The following RAP1A variants were observed in gnomAD, a reference collection of about 807,000 sequenced individuals.
RAP1A encodes ras-related protein Rap-1A.
Under a neutral mutation model 26.4 loss-of-function variants are expected in RAP1A, and 6 were observed. That is an observed-to-expected ratio of 0.23 (90% CI 0.12 to 0.45). The LOEUF (loss-of-function observed/expected upper bound fraction) is 0.45, where lower values mean the gene tolerates loss of function less well. Among genes scored for constraint, RAP1A ranks in the 20% least tolerant of loss-of-function variants. The pLI is 0.99. For synonymous variants in RAP1A, 73 were observed against 79.4 expected, an observed-to-expected ratio of 0.92 and a Z score of 0.43; for missense variants, 121 against 217.2, an observed-to-expected ratio of 0.56 and a Z score of 2.78.
intron 1 of RAP1A, among the ~76,000 whole-genome samples, chr1:111,573,290 T>C (rs976795376): frequency 4.6e-5 from 7 of 152,240 alleles, no homozygotes; most frequent in African/African-American, 1.7e-4. Context: ...GTAGCTGTTT[T>C]TGGCTCTTTG....
intron 1 of RAP1A, chr1:111,649,550 T>TA: frequency 4.0e-6 from 1 of 252,064 alleles, no homozygotes; most frequent in Non-Finnish European, 8.1e-6. Context: ...AAGCTCATGC[T>TA]CTCTGGGGAG....
intron 1 of RAP1A, among the ~76,000 whole-genome samples, chr1:111,564,733 C>T (rs569608456): frequency 1.5e-4 from 23 of 151,524 alleles, no homozygotes; most frequent in South Asian, 1.5e-3. Flanking sequence ...AGGATGGTCT[C>T]GATCTCCTGA....
At chr1:111,635,441 A>G (rs1232033743) in intron 1 of RAP1A, among the ~76,000 whole-genome samples, 1 of 152,222 alleles carries the variant, frequency 6.6e-6, no homozygotes, top group African/African-American at 2.4e-5. Context: ...CTGTCAGTGG[A>G]GAAAGAACAA....
chr1:111,684,402 C>G (rs903821288), intron 1 of RAP1A, among the ~76,000 whole-genome samples: 1 of 152,234 alleles, frequency 6.6e-6, no homozygotes, highest in South Asian at 2.1e-4. Flanking sequence ...ACCCCATCGT[C>G]TCAGCCCAAA....
intron 1 of RAP1A, among the ~76,000 whole-genome samples, chr1:111,660,026 A>G (rs936933320): frequency 4.6e-5 from 7 of 152,240 alleles, no homozygotes; most frequent in African/African-American, 1.7e-4. Context: ...AAGACAAGTA[A>G]AAGTAAAGTT....
At chr1:111,677,665 G>A (rs1433880699) in intron 1 of RAP1A, among the ~76,000 whole-genome samples, 2 of 152,180 alleles carry the variant, frequency 1.3e-5, no homozygotes, top group African/African-American at 2.4e-5. Context: ...TGAAGGGCTG[G>A]TGTTCACCTG....
intron 1 of RAP1A, among the ~76,000 whole-genome samples, chr1:111,549,929 A>G (rs1263263693): frequency 4.6e-5 from 7 of 152,212 alleles, no homozygotes; most frequent in Non-Finnish European, 1.5e-5. Flanking sequence ...CTGGAATTAC[A>G]GGCATGAGCA....
chr1:111,613,264 A>T (rs530430807), intron 1 of RAP1A, among the ~76,000 whole-genome samples: 88 of 151,190 alleles, frequency 5.8e-4, no homozygotes, highest in African/African-American at 2.1e-3. Flanking sequence ...CAGTGGCACT[A>T]TCTCGGCCCA....
At chr1:111,582,084 C>T (rs1192505882) in intron 1 of RAP1A, among the ~76,000 whole-genome samples, 3 of 152,150 alleles carry the variant, frequency 2.0e-5, no homozygotes, top group Admixed American at 1.3e-4. Flanking sequence ...ACTATGCTGT[C>T]TTCATGCAAT....
chr1:111,704,538 A>C (rs558744103), intron 6 of RAP1A, 52 bp downstream of exon 6: 1 of 1,515,224 alleles, frequency 6.6e-7, no homozygotes, highest in African/African-American at 1.4e-5. Flanking sequence ...AGTTTGCTTT[A>C]AGTTAACAGC....
chr1:111,567,758 G>A (rs1657954323), intron 1 of RAP1A, among the ~76,000 whole-genome samples: 1 of 152,192 alleles, frequency 6.6e-6, no homozygotes, highest in Non-Finnish European at 1.5e-5. Flanking sequence ...CAGTGGAAAG[G>A]CAGAGGAAAG....
At chr1:111,686,602 G>A (rs1661486894) in intron 1 of RAP1A, 1 of 147,126 alleles carries the variant, frequency 6.8e-6, no homozygotes, top group Non-Finnish European at 1.5e-5. Flanking sequence ...GAGGCGGAAG[G>A]ATGACTTGAG....
In RAP1A at chr1:111,715,754, A is replaced by G. The variant is rs1662524307; in HGVS notation, c.*3353A>G. ...AAGTTAATACTTATAGAAAATAATG[A>G]TCTTTATTACCAACTTTATTAAAAC... On this transcript the variant is annotated 3_prime_UTR_variant, in exon 8 of 8. Transcript: ENST00000369709. 1 of 152,236 alleles carries G rather than the reference A, an allele frequency of 6.6e-6. No homozygotes were observed. The highest frequency in any genetic ancestry group is 1.5e-5 in the Non-Finnish European group (1 of 68,034). 9.4% of individuals were successfully genotyped at this position (152,236 alleles called of 1,614,324 possible).
intron 1 of RAP1A, among the ~76,000 whole-genome samples, chr1:111,557,909 A>G (rs1458156105): frequency 6.6e-6 from 1 of 152,246 alleles, no homozygotes. Flanking sequence ...GAAATGTATC[A>G]AATAGCTTTA....
At chr1:111,581,995 G>A (rs932017165) in intron 1 of RAP1A, among the ~76,000 whole-genome samples, 1 of 152,166 alleles carries the variant, frequency 6.6e-6, no homozygotes, top group Non-Finnish European at 1.5e-5. Context: ...CTTGTCCAAG[G>A]TCACTCATCT....
At chr1:111,688,822 G>GTT (rs767753356) in intron 1 of RAP1A, among the ~76,000 whole-genome samples, 111 of 90,100 alleles carry the variant, frequency 1.2e-3, no homozygotes, top group African/African-American at 3.2e-3. Context: ...TTTTTTTTTT[G>GTT]TTTTTTTTTT....
At chr1:111,562,315 C>T (rs1307686584) in intron 1 of RAP1A, among the ~76,000 whole-genome samples, 1 of 152,114 alleles carries the variant, frequency 6.6e-6, no homozygotes. Flanking sequence ...GTTTCCTCAA[C>T]CATAATAGGA....
intron 5 of RAP1A, among the ~76,000 whole-genome samples, chr1:111,703,891 C>T (rs1341426240): frequency 1.3e-5 from 2 of 152,150 alleles, no homozygotes; most frequent in African/African-American, 4.8e-5. Context: ...GTCTACCTCC[C>T]GGGCTCAAGT....
chr1:111,647,685 G>A (rs952759750), intron 1 of RAP1A, among the ~76,000 whole-genome samples: 2 of 151,148 alleles, frequency 1.3e-5, no homozygotes, highest in Admixed American at 6.6e-5. Flanking sequence ...CTACTGTAAG[G>A]TTTCTTAGAA....
Sources: allele counts gnomAD v4.1 joint callset (sites outside exome capture counted in the v4.1 genomes callset), GRCh38; gene constraint gnomAD v4.1.1; transcripts MANE v1.5; gene names NCBI Gene and HGNC (gene_info 2026-07-23, HGNC 2026-07-21).